ADAMTSL1: variants seen among roughly 807,000 people sequenced by gnomAD.
The protein encoded by ADAMTSL1 is ADAMTS like 1.
ADAMTSL1 carries 126 observed loss-of-function variants against 201.8 expected under a neutral mutation model. That is an observed-to-expected ratio of 0.62 (90% CI 0.54 to 0.72). The LOEUF (loss-of-function observed/expected upper bound fraction) is 0.72, where lower values mean the gene tolerates loss of function less well. ADAMTSL1 is among the 30% of genes least tolerant of loss of function. The pLI is 0.00. For synonymous variants in ADAMTSL1, 1,121 were observed against 903.4 expected (o/e 1.24, Z -4.32); for missense variants, 2,679 against 2,277.8 (o/e 1.18, Z -3.59).
intron 16 of ADAMTSL1, among the ~76,000 whole-genome samples, chr9:18,756,712 GAAGAA>G (rs111511709): frequency 5.8e-4 from 88 of 152,256 alleles, no homozygotes; most frequent in African/African-American, 2.0e-3. Flanking sequence ...CTTTCTTACA[GAAGAA>G]AAGGAGATGG....
intron 2 of ADAMTSL1, among the ~76,000 whole-genome samples, chr9:18,311,927 G>A (rs1834173761): frequency 6.6e-6 from 1 of 152,206 alleles, no homozygotes; most frequent in Non-Finnish European, 1.5e-5. Context: ...ATCCCAGGGA[G>A]AGGACAGCAT....
At chr9:18,650,509 G>A (rs1212786282) in intron 7 of ADAMTSL1, among the ~76,000 whole-genome samples, 1 of 152,010 alleles carries the variant, frequency 6.6e-6, no homozygotes, top group African/African-American at 2.4e-5. Context: ...TTGTAGACAG[G>A]AGCTGTTCCT....
upstream of ADAMTSL1, among the ~76,000 whole-genome samples, chr9:18,469,871 G>T (rs1401481145): frequency 6.6e-6 from 1 of 152,208 alleles, no homozygotes; most frequent in Non-Finnish European, 1.5e-5. Context: ...AGCTGCAAGG[G>T]AGTCTAGAAA....
rs376758543 is a variant in ADAMTSL1, at chr9:18,775,789, G to C, written c.2444G>C (p.Cys815Ser). 1.2e-6 allele frequency: 2 copies of C among 1,612,560 alleles called. No individual in the cohort carries two copies. The highest frequency in any genetic ancestry group is 8.5e-7 in the Non-Finnish European group (1 of 1,179,314). Reference protein sequence around the residue: ...GEGTQTRSAICRKMLKTGLST... With the variant: ...GEGTQTRSAISRKMLKTGLST... ...GGCACCCAGACTCGAAGCGCCATTT[G>C]CCGAAAGATGCTGAAAACCGGCCTC... Residue 815 changes from cysteine (C) to serine (S), a missense_variant, in exon 18 of 29, where the codon TGC (cysteine) becomes TCC (serine). Physicochemically the swap from Cys to Ser is moderately radical, Grantham distance 112. Coordinates refer to ENST00000380548, the MANE Select transcript of ADAMTSL1 (RefSeq NM_001040272.6).
intron 2 of ADAMTSL1, among the ~76,000 whole-genome samples, chr9:18,528,408 C>A (rs570902761): frequency 6.6e-6 from 1 of 152,042 alleles, no homozygotes; most frequent in Admixed American, 6.6e-5. Context: ...GTGTTCTCAC[C>A]CCTCACGTAT....
chr9:17,938,473 T>C (rs926340366), intron 1 of ADAMTSL1, among the ~76,000 whole-genome samples: 1 of 152,148 alleles, frequency 6.6e-6, no homozygotes, highest in African/African-American at 2.4e-5. Context: ...CGATGTCATC[T>C]CCATGACCTT....
chr9:18,199,503 C>T (rs1287267789), intron 2 of ADAMTSL1, among the ~76,000 whole-genome samples: 1 of 151,978 alleles, frequency 6.6e-6, no homozygotes, highest in East Asian at 1.9e-4. Context: ...AAAGAAAAAA[C>T]AATCTTTTTG....
chr9:18,429,912 C>A (rs1819407822), intron 2 of ADAMTSL1, among the ~76,000 whole-genome samples: 1 of 152,056 alleles, frequency 6.6e-6, no homozygotes, highest in Non-Finnish European at 1.5e-5. Context: ...ACCTCAGCCT[C>A]CCGGGTAGCT....
At chr9:17,912,804 G>GT (rs1290906559) in intron 1 of ADAMTSL1, among the ~76,000 whole-genome samples, 24 of 127,022 alleles carry the variant, frequency 1.9e-4, no homozygotes, top group Non-Finnish European at 3.9e-4. Context: ...TTCTTCTAGG[G>GT]TTTTTATGGT....
At chr9:18,741,527 G>A (rs1818825431) in intron 15 of ADAMTSL1, among the ~76,000 whole-genome samples, 2 of 152,164 alleles carry the variant, frequency 1.3e-5, no homozygotes, top group African/African-American at 4.8e-5. Flanking sequence ...GTAAATAGAT[G>A]GATTAAAAAC....
At chr9:18,583,852 T>C (rs540628465) in intron 4 of ADAMTSL1, among the ~76,000 whole-genome samples, 1 of 152,296 alleles carries the variant, frequency 6.6e-6, no homozygotes, top group South Asian at 2.1e-4. Context: ...TGTAGTCCCT[T>C]TGTTTTGGCC....
intron 1 of ADAMTSL1, among the ~76,000 whole-genome samples, chr9:18,034,459 T>A (rs1433017303): frequency 6.6e-6 from 1 of 152,214 alleles, no homozygotes; most frequent in Non-Finnish European, 1.5e-5. Context: ...CTCCTAGAAA[T>A]ATCCATTGTG....
intron 1 of ADAMTSL1, among the ~76,000 whole-genome samples, chr9:18,080,648 G>T (rs1402724607): frequency 6.6e-6 from 1 of 152,164 alleles, no homozygotes; most frequent in African/African-American, 2.4e-5. Context: ...ATCAAGTCAA[G>T]CTATTACTTT....
At chr9:18,037,218 T>C (rs1238915765) in intron 1 of ADAMTSL1, among the ~76,000 whole-genome samples, 1 of 152,158 alleles carries the variant, frequency 6.6e-6, no homozygotes, top group Non-Finnish European at 1.5e-5. Flanking sequence ...AAGGGAAAAA[T>C]AAGAATACAA....
At chr9:18,500,844 G>C (rs1425711431) in intron 1 of ADAMTSL1, among the ~76,000 whole-genome samples, 1 of 152,122 alleles carries the variant, frequency 6.6e-6, no homozygotes, top group Non-Finnish European at 1.5e-5. Context: ...CTTAATAGTT[G>C]TTCTTTAGTT....
chr9:18,175,794 C>G (rs1013100177), intron 2 of ADAMTSL1, among the ~76,000 whole-genome samples: 5 of 152,038 alleles, frequency 3.3e-5, no homozygotes, highest in African/African-American at 4.8e-5. Context: ...GCTCATGGAA[C>G]CAGCCCATGG....
intron 1 of ADAMTSL1, among the ~76,000 whole-genome samples, chr9:18,126,023 T>A (rs185834699): frequency 2.0e-4 from 31 of 152,306 alleles, no homozygotes; most frequent in Non-Finnish European, 3.5e-4. Context: ...CTGCCTGACG[T>A]ACCTGCCACC....
At position 18,112,466 on chromosome 9, in the gene ADAMTSL1, A is replaced by G. The variant is rs989392137; in HGVS notation, c.88-51396A>G. 9.2e-5 allele frequency among the ~76,000 whole-genome samples: 14 copies of G among 151,656 alleles called. No individual in the cohort carries two copies. The East Asian group carries it at 1.7e-3, about 19-fold the overall frequency. ...TTGCCCATAACAGTTATATACTCAC[A>G]AATATACCCATTTTTTTGGGTTTTT... On this transcript the variant is annotated intron_variant, in intron 1 of 29. Coordinates refer to the ADAMTSL1 transcript ENST00000680146.
At chr9:18,472,765 C>A (rs1436721831), upstream of ADAMTSL1, among the ~76,000 whole-genome samples, 1 of 152,120 alleles carries the variant, frequency 6.6e-6, no homozygotes, top group African/African-American at 2.4e-5. Flanking sequence ...ATGTCTTGTA[C>A]CTCCACTGCA....
Sources: gnomAD v4.1 joint callset for allele counts (sites outside exome capture counted in the v4.1 genomes callset) on GRCh38, gnomAD v4.1.1 for gene constraint, MANE v1.5 for transcripts, NCBI Gene and HGNC (gene_info 2026-07-23, HGNC 2026-07-21) for gene names.